The following SLC2A10 variants were observed in gnomAD, a reference collection of about 807,000 sequenced individuals.
SLC2A10 encodes solute carrier family 2, facilitated glucose transporter member 10.
In SLC2A10, 25 loss-of-function variants were observed where a neutral mutation model predicts 32.1. The observed-to-expected ratio is 0.78, with a 90% confidence interval of 0.57 to 1.09. The LOEUF (loss-of-function observed/expected upper bound fraction) is 1.09, where lower values mean the gene tolerates loss of function less well. Ranked by LOEUF, SLC2A10 falls within the 50% of genes least tolerant of loss-of-function variation. SLC2A10 has a pLI of 0.00. For missense variants in SLC2A10, 673 were observed against 686.5 expected (o/e 0.98, Z 0.22); for synonymous variants, 332 against 309.6 (o/e 1.07, Z -0.76).
rs1330294306 is a variant in SLC2A10 at position 46,735,822 on chromosome 20, T to C, written c.*1988T>C. 6.6e-6 allele frequency: 1 copy of C among 152,270 alleles called. No individual in the cohort carries two copies. Among genetic ancestry groups the C allele is most frequent in the Non-Finnish European group, 1.5e-5 (1 of 68,046 alleles). The allele number at this position is 152,270 out of a possible 1,614,324, so 9.4% of individuals were successfully genotyped here. On this transcript the variant is annotated 3_prime_UTR_variant, in exon 5 of 5. Coordinates refer to ENST00000359271, the MANE Select transcript of SLC2A10 (RefSeq NM_030777.4). ...AAAAATGGAGGGATTATTCTTCCAG[T>C]AGTTGAACACTGTCATCCGTTTCAG... is the stretch of plus-strand genomic sequence containing the variant.
chr20:46,709,913 G>A, intron 1 of SLC2A10, 173 bp downstream of exon 1: 3 of 679,378 alleles, frequency 4.4e-6, no homozygotes, highest in Middle Eastern at 4.0e-4. Flanking sequence ...CGGGGGCTGG[G>A]ACGGGGCTCG....
intron 1 of SLC2A10, among the ~76,000 whole-genome samples, chr20:46,720,732 A>G (rs1349873172): frequency 6.6e-6 from 1 of 152,090 alleles, no homozygotes; most frequent in Non-Finnish European, 1.5e-5. Flanking sequence ...AAATGTTTGA[A>G]TGGATGCTTT....
intron 1 of SLC2A10, among the ~76,000 whole-genome samples, chr20:46,715,508 A>T (rs1360215675): frequency 6.6e-6 from 1 of 152,214 alleles, no homozygotes; most frequent in Non-Finnish European, 1.5e-5. Flanking sequence ...ACAGAGCAGG[A>T]TCTGAGCAGC....
chr20:46,722,519 A>C (rs954749892), intron 1 of SLC2A10, among the ~76,000 whole-genome samples: 1 of 152,174 alleles, frequency 6.6e-6, no homozygotes, highest in Non-Finnish European at 1.5e-5. Context: ...CATCTTTATG[A>C]AGGGTTATCT....
intron 3 of SLC2A10, among the ~76,000 whole-genome samples, chr20:46,727,943 C>T (rs938706061): frequency 2.5e-5 from 3 of 121,044 alleles, no homozygotes; most frequent in African/African-American, 1.0e-4. Context: ...GTGGGAAACC[C>T]CAGTGGAAGA....
At chr20:46,715,586 C>T (rs1054065058) in intron 1 of SLC2A10, among the ~76,000 whole-genome samples, 6 of 152,066 alleles carry the variant, frequency 3.9e-5, no homozygotes, top group African/African-American at 9.7e-5. Flanking sequence ...GGCAAGGGCT[C>T]GTTTCCTTGG....
intron 1 of SLC2A10, among the ~76,000 whole-genome samples, chr20:46,718,921 A>G (rs1979401715): frequency 6.6e-6 from 1 of 152,140 alleles, no homozygotes; most frequent in Non-Finnish European, 1.5e-5. Flanking sequence ...AACTACAGGT[A>G]TGCACCACCA....
chr20:46,710,570 G>C (rs777628402), intron 1 of SLC2A10: 1 of 152,368 alleles, frequency 6.6e-6, no homozygotes, highest in Admixed American at 6.5e-5. Context: ...AGGTGGTCAG[G>C]GTGGGTTTTC....
upstream of SLC2A10, chr20:46,709,559 C>A: frequency 4.0e-6 from 3 of 749,920 alleles, no homozygotes; most frequent in Non-Finnish European, 5.8e-6. Flanking sequence ...CTCCAGGCCT[C>A]GGGGCCTGGC....
rs1978816829 is a variant in SLC2A10, at chr20:46,710,015, C to A, written c.4+275C>A. ...TCGGGCCCAGGCACTCTCCCGGGCG[C>A]CCTGATCCGACAGCCCCAGGCAAGT... is the stretch of plus-strand genomic sequence containing the variant. On this transcript the variant is annotated intron_variant, in intron 1 of 4. Transcript: ENST00000359271. 5.7e-6 allele frequency: 3 copies of A among 526,108 alleles called. No homozygotes were observed. The African/African-American group carries it at 6.1e-5, about 11-fold the overall frequency. 32.6% of individuals were successfully genotyped at this position (526,108 alleles called of 1,614,324 possible).
intron 1 of SLC2A10, among the ~76,000 whole-genome samples, chr20:46,718,899 C>T (rs1979400383): frequency 6.6e-6 from 1 of 152,170 alleles, no homozygotes. Context: ...CCTCAGCCTC[C>T]TGATTAGCTG....
rs1007330937 is a variant in SLC2A10, at chr20:46,734,186, T to C, written c.*352T>C. On this transcript the variant is annotated 3_prime_UTR_variant, in exon 5 of 5. Transcript: ENST00000359271. ...GGTACCAATCCTGGCAGGAAGTCTC[T>C]CCCGATATCACCCCTAAATCCAAAT... 8.1e-6 allele frequency: 3 copies of C among 368,280 alleles called. 1 individual carries two copies. In the Admixed American group the frequency reaches 1.2e-4, roughly 15 times the overall value. The allele number at this position is 368,280 out of a possible 1,614,324, so 22.8% of individuals were successfully genotyped here. A position where few individuals can be genotyped will look rare whatever the true frequency, so the allele number is the denominator to read the frequency against.
intron 3 of SLC2A10, among the ~76,000 whole-genome samples, chr20:46,727,470 G>A (rs556498224): frequency 7.9e-5 from 12 of 152,144 alleles, no homozygotes; most frequent in East Asian, 5.8e-4. Context: ...ACAGGCACCC[G>A]CCACCACGCC....
chr20:46,709,615 G>A (rs982211054), upstream of SLC2A10: 11 of 1,295,442 alleles, frequency 8.5e-6, no homozygotes, highest in Non-Finnish European at 1.0e-5. Flanking sequence ...GGGCAGGGCA[G>A]GAGGGACAGA....
chr20:46,733,738 G>A lies in SLC2A10; in HGVS notation c.1548-18G>A, dbSNP rs113496485. The A allele has an allele frequency of 1.4e-3, 2,205 of 1,611,506 alleles. 30 individuals are homozygous for A. In the African/African-American group the frequency reaches 0.025, roughly 18 times the overall value. On this transcript the variant is annotated intron_variant, in intron 4 of 4. Transcript: ENST00000359271. ...AGGCCCTGCCACCCCCTGATCCCACGCATTCTTTGTCTGACAGGTTCACCC... is the reference window on the plus strand; with the variant it reads ...AGGCCCTGCCACCCCCTGATCCCACACATTCTTTGTCTGACAGGTTCACCC...
chr20:46,721,135 G>A (rs977197392), intron 1 of SLC2A10, among the ~76,000 whole-genome samples: 2 of 152,196 alleles, frequency 1.3e-5, no homozygotes, highest in Non-Finnish European at 2.9e-5. Context: ...TTAGACCCAG[G>A]ACTGAACAGT....
At position 46,726,253 on chromosome 20, in the gene SLC2A10, C is replaced by A. The variant is rs752635709; in HGVS notation, c.1217C>A (p.Ala406Glu). The A allele has an allele frequency of 2.5e-6, 4 of 1,613,512 alleles. No individual in the cohort carries two copies. The highest frequency in any genetic ancestry group is 3.4e-6 in the Non-Finnish European group (4 of 1,180,046). ...CCCCCTCTGCCCGCTCGGGGGCATG[C>A]ACTGCTGCGCTGGACCGCACTGCTG... ...PGPPLPARGH[A>E]LLRWTALLCL... Residue 406 changes from alanine to glutamate, a missense_variant, in exon 2 of 5, where the codon GCA becomes GAA. Physicochemically the swap from Ala to Glu is moderately radical, Grantham distance 107. Transcript: ENST00000359271.
chr20:46,723,661 C>A lies in SLC2A10; in HGVS notation c.5-1380C>A, dbSNP rs57646813. On this transcript the variant is annotated intron_variant, in intron 1 of 4. Transcript: ENST00000359271. ...TGAGAATGACATTCCTCATTGTCCT[C>A]TTGACTTGCAAAGCCCCACATGATC... is the stretch of plus-strand genomic sequence containing the variant. 3.3e-3 allele frequency among the ~76,000 whole-genome samples: 502 copies of A among 152,316 alleles called. 6 individuals are homozygous for A. Among genetic ancestry groups the A allele is most frequent in the African/African-American group, 0.011 (476 of 41,576 alleles).
chr20:46,733,980 A>G lies in SLC2A10; in HGVS notation c.*146A>G. On this transcript the variant is annotated 3_prime_UTR_variant, in exon 5 of 5. Transcript: ENST00000359271. ...AAGGTGGTCTGCTTTTGCTGGGGTA[A>G]AAAGGATGAAAGTCTGAGAATGCCC... The G allele has an allele frequency of 4.0e-6, 3 of 751,354 alleles. No homozygotes were observed. Among genetic ancestry groups the G allele is most frequent in the Non-Finnish European group, 7.0e-6 (3 of 430,596 alleles). The allele number at this position is 751,354 out of a possible 1,614,324, so 46.5% of individuals were successfully genotyped here. A position where few individuals can be genotyped will look rare whatever the true frequency, so the allele number is the denominator to read the frequency against.
Sources: gnomAD v4.1 joint callset for allele counts (sites outside exome capture counted in the v4.1 genomes callset) on GRCh38, gnomAD v4.1.1 for gene constraint, MANE v1.5 for transcripts, NCBI Gene and HGNC (gene_info 2026-07-23, HGNC 2026-07-21) for gene names.